ALK: variants seen among roughly 807,000 people sequenced by gnomAD.
ALK encodes ALK receptor tyrosine kinase.
Under a neutral mutation model 163.1 loss-of-function variants are expected in ALK, and 74 were observed. That is an observed-to-expected ratio of 0.45 (90% CI 0.38 to 0.55). The LOEUF is 0.55. ALK is among the 20% of genes least tolerant of loss of function. The pLI is 0.00. For missense variants in ALK, 2,063 were observed against 2,105.3 expected, an observed-to-expected ratio of 0.98 and a Z score of 0.39; for synonymous variants, 960 against 843.2, an observed-to-expected ratio of 1.14 and a Z score of -2.40.
chr2:29,269,304 G>A (rs755644429), intron 11 of ALK, among the ~76,000 whole-genome samples: 19 of 152,164 alleles, frequency 1.2e-4, no homozygotes, highest in Non-Finnish European at 1.9e-4. Context: ...CCCTGTCACC[G>A]TCACCAGGTC....
chr2:29,446,320 G>A (rs563784622), intron 4 of ALK, among the ~76,000 whole-genome samples: 1 of 152,074 alleles, frequency 6.6e-6, no homozygotes, highest in African/African-American at 2.4e-5. Context: ...CATGTTGGCA[G>A]GACTATTTAC....
rs551864909 is a variant in ALK, at chr2:29,233,712, G to T, written c.2356-16C>A. 6.2e-7 allele frequency: 1 copy of T among 1,614,198 alleles called. No individual in the cohort carries two copies. Among genetic ancestry groups the T allele is most frequent in the African/African-American group, 1.3e-5 (1 of 75,052 alleles). ...ACTGGTTTGTCTGTAGAAACAAAAA[G>T]CACGTTAGGTTTGTGGCCAAACCAG... On this transcript the variant is annotated splice_polypyrimidine_tract_variant and intron_variant, in intron 13 of 28. Coordinates refer to ENST00000389048, the MANE Select transcript of ALK (RefSeq NM_004304.5).
At chr2:29,540,838 C>T (rs1321455624) in intron 3 of ALK, among the ~76,000 whole-genome samples, 7 of 152,036 alleles carry the variant, frequency 4.6e-5, no homozygotes, top group Non-Finnish European at 7.4e-5. Context: ...ACTTAAATAA[C>T]CTTCAAGAAA....
At chr2:29,534,229 C>A (rs536229648) in intron 3 of ALK, among the ~76,000 whole-genome samples, 1 of 152,078 alleles carries the variant, frequency 6.6e-6, no homozygotes, top group Non-Finnish European at 1.5e-5. Flanking sequence ...ATGGTGGGGG[C>A]AAGAGGGAAT....
At chr2:29,214,230 CA>C in intron 23 of ALK, 149 bp from the exon 24 acceptor site, 3 of 688,674 alleles carry the variant, frequency 4.4e-6, no homozygotes, top group Non-Finnish European at 7.7e-6. Context: ...CATTAGAAAT[CA>C]CCTGGAGGCA....
chr2:29,484,933 T>TA (rs1397901186), intron 4 of ALK, among the ~76,000 whole-genome samples: 1 of 152,204 alleles, frequency 6.6e-6, no homozygotes, highest in Non-Finnish European at 1.5e-5. Context: ...GTAATCCCTT[T>TA]AAAAAATATT....
intron 1 of ALK, among the ~76,000 whole-genome samples, chr2:29,897,357 A>T (rs185348289): frequency 1.2e-4 from 19 of 152,204 alleles, no homozygotes; most frequent in Admixed American, 2.0e-4. Flanking sequence ...ATTAATTAAT[A>T]AATAAATAAC....
chr2:29,645,332 G>C (rs1468067710), intron 3 of ALK, among the ~76,000 whole-genome samples: 1 of 152,068 alleles, frequency 6.6e-6, no homozygotes, highest in East Asian at 1.9e-4. Flanking sequence ...TTCCTTGTGG[G>C]AAAAGTCAGA....
chr2:29,362,449 G>A (rs1406614215), intron 5 of ALK, among the ~76,000 whole-genome samples: 1 of 152,218 alleles, frequency 6.6e-6, no homozygotes, highest in African/African-American at 2.4e-5. Flanking sequence ...GGTTAAATGT[G>A]TGACAAGGTG....
rs552446274 is a variant in ALK, at chr2:29,824,960, A to G, written c.667+95033T>C. Among the ~76,000 whole-genome samples, 98 of 152,292 alleles carry G rather than the reference A, an allele frequency of 6.4e-4. 1 individual carries two copies. Among genetic ancestry groups the G allele is most frequent in the African/African-American group, 2.2e-3 (92 of 41,570 alleles). On this transcript the variant is annotated intron_variant, in intron 1 of 28. Transcript: ENST00000389048. ...AAAATCTCATCTTGAATTTCCACGT[A>G]TTGTGGGAAGGACCTGGTGGGAAGT...
At chr2:29,418,504 C>T (rs1301457300) in intron 4 of ALK, among the ~76,000 whole-genome samples, 1 of 152,204 alleles carries the variant, frequency 6.6e-6, no homozygotes, top group African/African-American at 2.4e-5. Context: ...TATATTAAGA[C>T]TGTACCCACG....
intron 13 of ALK, among the ~76,000 whole-genome samples, chr2:29,238,589 A>T (rs1362845865): frequency 6.6e-6 from 1 of 152,152 alleles, no homozygotes; most frequent in Non-Finnish European, 1.5e-5. Flanking sequence ...AGATGGAGGT[A>T]GTGCCTGACA....
At chr2:29,299,263 G>T (rs1019978850) in intron 8 of ALK, among the ~76,000 whole-genome samples, 1 of 152,136 alleles carries the variant, frequency 6.6e-6, no homozygotes, top group Non-Finnish European at 1.5e-5. Context: ...ACATTCTCCT[G>T]TTGATCATGC....
intron 1 of ALK, among the ~76,000 whole-genome samples, chr2:29,808,775 A>G (rs918615951): frequency 1.3e-5 from 2 of 152,158 alleles, no homozygotes; most frequent in African/African-American, 4.8e-5. Flanking sequence ...GCAAAAGTCC[A>G]TCCTCCACTG....
At position 29,292,304 on chromosome 2, in the gene ALK, C is replaced by T. The variant is rs114827088; in HGVS notation, c.1817+4584G>A. Among the ~76,000 whole-genome samples, 433 of 152,260 alleles carry T rather than the reference C, an allele frequency of 2.8e-3. 4 individuals are homozygous for T. The highest frequency in any genetic ancestry group is 9.7e-3 in the African/African-American group (401 of 41,554). On this transcript the variant is annotated intron_variant, in intron 9 of 28. Coordinates refer to ENST00000389048, the MANE Select transcript of ALK (RefSeq NM_004304.5). Reference sequence around the variant, plus strand: ...CAAATCCATCTCATAACGAGTTGAACTTAGCATGGCTTCTGCTCTGTAAGC... The same window carrying T: ...CAAATCCATCTCATAACGAGTTGAATTTAGCATGGCTTCTGCTCTGTAAGC...
chr2:29,727,214 C>A (rs953204061), intron 1 of ALK, among the ~76,000 whole-genome samples: 8 of 152,266 alleles, frequency 5.3e-5, no homozygotes, highest in African/African-American at 1.9e-4. Flanking sequence ...TGAAATTGGT[C>A]CTTGGCTTGT....
At chr2:29,896,180 G>A (rs1284009965) in intron 1 of ALK, among the ~76,000 whole-genome samples, 4 of 152,162 alleles carry the variant, frequency 2.6e-5, no homozygotes, top group Non-Finnish European at 5.9e-5. Context: ...GCAGGGAGCC[G>A]GGCTGCAGAG....
intron 4 of ALK, among the ~76,000 whole-genome samples, chr2:29,507,913 G>A (rs1416853921): frequency 2.0e-5 from 3 of 152,112 alleles, no homozygotes; most frequent in South Asian, 2.1e-4. Context: ...TGGCTCTGCC[G>A]GCAGTCAGAG....
intron 7 of ALK, among the ~76,000 whole-genome samples, chr2:29,319,923 C>T (rs775371442): frequency 3.3e-5 from 5 of 152,226 alleles, no homozygotes; most frequent in African/African-American, 7.2e-5. Flanking sequence ...ATGAAGAGGA[C>T]AGAAGAAGGA....
Sources: gnomAD v4.1 joint callset for allele counts (sites outside exome capture counted in the v4.1 genomes callset) on GRCh38, gnomAD v4.1.1 for gene constraint, MANE v1.5 for transcripts, NCBI Gene and HGNC (gene_info 2026-07-23, HGNC 2026-07-21) for gene names.